Variants in SUN1 observed in about 807,000 individuals in gnomAD.
SUN1 encodes SUN domain-containing protein 1.
SUN1 carries 61 observed loss-of-function variants against 103.2 expected under a neutral mutation model. The observed-to-expected ratio is 0.59, with a 90% CI of 0.48 to 0.73. SUN1 has a LOEUF of 0.73. Ranked by LOEUF, SUN1 falls within the 30% of genes least tolerant of loss-of-function variation. The pLI is 0.00. For synonymous variants in SUN1, 490 were observed against 425.7 expected (o/e 1.15, Z -1.86); for missense variants, 1,052 against 1,034.6 (o/e 1.02, Z -0.23).
upstream of SUN1, among the ~76,000 whole-genome samples, chr7:831,320 G>A (rs1797745439): frequency 6.7e-6 from 1 of 150,078 alleles, no homozygotes; most frequent in Non-Finnish European, 1.5e-5. Context: ...CACCCAGGCT[G>A]GCGTACAGTG....
intron 16 of SUN1, among the ~76,000 whole-genome samples, chr7:867,806 C>T (rs1295377146): frequency 1.3e-5 from 2 of 152,196 alleles, no homozygotes; most frequent in Non-Finnish European, 2.9e-5. Flanking sequence ...GACCGTTGGG[C>T]GGAGGGTGTG....
chr7:854,693 C>T (rs968235804), intron 10 of SUN1, among the ~76,000 whole-genome samples: 16 of 152,204 alleles, frequency 1.1e-4, no homozygotes, highest in Admixed American at 9.2e-4. Flanking sequence ...ATGGCCCAGG[C>T]TGGAGTGCAA....
chr7:828,015 T>C (rs921032797), upstream of SUN1, among the ~76,000 whole-genome samples: 2 of 150,180 alleles, frequency 1.3e-5, no homozygotes, highest in Non-Finnish European at 3.0e-5. Context: ...GTGATTCTCG[T>C]GCCTCAGCCT....
At chr7:830,778 G>A (rs1797194547), upstream of SUN1, among the ~76,000 whole-genome samples, 1 of 152,188 alleles carries the variant, frequency 6.6e-6, no homozygotes, top group Non-Finnish European at 1.5e-5. Flanking sequence ...GAGCGGGAGT[G>A]GGTGTCCATA....
At chr7:865,371 A>G (rs752284617) in intron 15 of SUN1, among the ~76,000 whole-genome samples, 6 of 152,186 alleles carry the variant, frequency 3.9e-5, no homozygotes, top group East Asian at 1.9e-4. Context: ...TCGGCCTCCC[A>G]AAGTGCTGGG....
chr7:838,628 T>C (rs545749414), intron 1 of SUN1, among the ~76,000 whole-genome samples, 170 bp from the exon 2 acceptor site: 15 of 152,234 alleles, frequency 9.9e-5, no homozygotes, highest in Non-Finnish European at 2.2e-4. Flanking sequence ...GAGCCCATGC[T>C]GGCTGACCTG....
chr7:859,719 A>T (rs970050178), intron 13 of SUN1, among the ~76,000 whole-genome samples: 5 of 152,264 alleles, frequency 3.3e-5, no homozygotes, highest in African/African-American at 1.2e-4. Flanking sequence ...TTTAGCTTAC[A>T]TAAAGCTATA....
chr7:866,621 A>C (rs1464557996), intron 16 of SUN1, among the ~76,000 whole-genome samples: 4 of 56,320 alleles, frequency 7.1e-5, no homozygotes, highest in Admixed American at 1.8e-4. Flanking sequence ...CTGTCTCCCC[A>C]CCATCTCCCC....
At chr7:865,718 G>T (rs1051243862) in intron 15 of SUN1, among the ~76,000 whole-genome samples, 5 of 152,184 alleles carry the variant, frequency 3.3e-5, no homozygotes, top group Admixed American at 3.3e-4. Flanking sequence ...GTGCGTGAGG[G>T]TTCCCTTTCT....
intron 17 of SUN1, among the ~76,000 whole-genome samples, chr7:870,717 T>C (rs1001741656): frequency 2.6e-5 from 4 of 152,186 alleles, no homozygotes; most frequent in African/African-American, 9.7e-5. Context: ...TCACTGAGTA[T>C]TTCTTTCCCT....
upstream of SUN1, among the ~76,000 whole-genome samples, chr7:815,582 A>G (rs1373209790): frequency 6.6e-6 from 1 of 152,204 alleles, no homozygotes; most frequent in African/African-American, 2.4e-5. Flanking sequence ...TGTCTCAAAA[A>G]AAAAACAAAA....
intron 1 of SUN1, among the ~76,000 whole-genome samples, chr7:825,054 T>C (rs1016838421): frequency 1.3e-5 from 2 of 152,132 alleles, no homozygotes; most frequent in African/African-American, 4.8e-5. Flanking sequence ...GTGATATTTA[T>C]TACGATAATT....
Position 861,363 on chromosome 7 carries a change from C to A in SUN1, c.1780-17C>A. The A allele has an allele frequency of 6.2e-7, 1 of 1,614,040 alleles. No individual in the cohort carries two copies. Among genetic ancestry groups the A allele is most frequent in the Non-Finnish European group, 8.5e-7 (1 of 1,179,952 alleles). ...CCTGTTCTGGTGTTTGGTCTTCCGT[C>A]CCTCGTGTCTGTCCAGCAAGCACGT... On this transcript the variant is annotated splice_polypyrimidine_tract_variant and intron_variant, in intron 14 of 18. Coordinates refer to ENST00000401592, the MANE Select transcript of SUN1 (RefSeq NM_001130965.3).
intron 13 of SUN1, among the ~76,000 whole-genome samples, chr7:859,412 G>T (rs1830409045): frequency 6.6e-6 from 1 of 152,312 alleles, no homozygotes; most frequent in Non-Finnish European, 1.5e-5. Context: ...GAGCAACCAT[G>T]CCCTTGGGAA....
At chr7:850,773 A>AAAAAAAAAAAAAC (rs1821149117) in intron 5 of SUN1, 2 of 148,304 alleles carry the variant, frequency 1.3e-5, no homozygotes, top group African/African-American at 5.0e-5. Context: ...AAATTAAAAA[A>AAAAAAAAAAAAAC]AAAAAAAAAC....
Position 838,940 on chromosome 7 carries a change from G to T in SUN1, c.220G>T (p.Asp74Tyr). The change falls in exon 2 of 19, where the codon GAC becomes TAC. Residue 74 changes from aspartate to tyrosine, a missense_variant. Asp to Tyr is a radical substitution (Grantham distance 160). Around this residue, in one of 2 missense-constraint regions of SUN1, gnomAD observed 846 missense variants for 774.5 expected, o/e 1.09. Coordinates refer to ENST00000401592, the MANE Select transcript of SUN1 (RefSeq NM_001130965.3). ...GGGGGATGGTGAGGCTGTGGGTGCCGACAGCGGCACCAGCAGCGCTGTCTC... is the reference window on the plus strand; with the variant it reads ...GGGGGATGGTGAGGCTGTGGGTGCCTACAGCGGCACCAGCAGCGCTGTCTC... The part of the protein sequence containing the change: ...TLGDGEAVGA[D>Y]SGTSSAVSLK... 6.2e-7 allele frequency: 1 copy of T among 1,609,166 alleles called. No homozygotes were observed. The highest frequency in any genetic ancestry group is 1.3e-5 in the African/African-American group (1 of 74,996).
chr7:851,014 G>T (rs1377685980), intron 5 of SUN1, among the ~76,000 whole-genome samples: 3 of 152,172 alleles, frequency 2.0e-5, no homozygotes. Flanking sequence ...ATTTCAATCT[G>T]CTTTAAAATA....
upstream of SUN1, among the ~76,000 whole-genome samples, chr7:830,183 C>T (rs1796620102): frequency 6.6e-6 from 1 of 152,216 alleles, no homozygotes; most frequent in East Asian, 1.9e-4. Context: ...CACCTGGCAG[C>T]AGGCCTGTGG....
chr7:827,657 G>A (rs991672042), upstream of SUN1, among the ~76,000 whole-genome samples: 7 of 151,704 alleles, frequency 4.6e-5, no homozygotes, highest in African/African-American at 1.7e-4. Flanking sequence ...TTTTAGTAGA[G>A]ATGGGGTTTC....
Sources: allele counts gnomAD v4.1 joint callset (sites outside exome capture counted in the v4.1 genomes callset), GRCh38; gene constraint gnomAD v4.1.1; regional missense constraint gnomAD v4.1.1; transcripts MANE v1.5; gene names NCBI Gene and HGNC (gene_info 2026-07-23, HGNC 2026-07-21).